The following PDLIM3 variants were observed in gnomAD, a reference collection of about 807,000 sequenced individuals.
PDLIM3 encodes PDZ and LIM domain protein 3.
Under a neutral mutation model 37.3 loss-of-function variants are expected in PDLIM3, and 36 were observed. The ratio of observed to expected loss-of-function variants is 0.97; its 90% CI spans 0.74 to 1.28. The LOEUF (loss-of-function observed/expected upper bound fraction) is 1.28. PDLIM3 is among the 50% of genes most tolerant of loss of function. PDLIM3 has a pLI of 0.00. For synonymous variants in PDLIM3, 174 were observed against 182.4 expected (o/e 0.95, Z 0.37); for missense variants, 454 against 485.0 (o/e 0.94, Z 0.60).
intron 1 of PDLIM3, among the ~76,000 whole-genome samples, chr4:185,534,918 C>CG (rs1183490021): frequency 6.6e-6 from 1 of 152,206 alleles, no homozygotes; most frequent in Non-Finnish European, 1.5e-5. Flanking sequence ...CAGGGAATGC[C>CG]GGGGGGTGCC....
At chr4:185,521,120 G>A (rs1385175805) in intron 3 of PDLIM3, among the ~76,000 whole-genome samples, 1 of 65,962 alleles carries the variant, frequency 1.5e-5, no homozygotes, top group African/African-American at 2.8e-5. Context: ...GAGGAAGCAG[G>A]TCAGCCTGGG....
rs76900032 is a variant in PDLIM3, at chr4:185,507,034, G to A, written c.663-382C>T. 9.9e-3 allele frequency: 1,853 copies of A among 187,428 alleles called. 18 individuals carry two copies. Among genetic ancestry groups the A allele is most frequent in the Non-Finnish European group, 0.015 (1,338 of 87,892 alleles). 11.6% of individuals were successfully genotyped at this position (187,428 alleles called of 1,614,324 possible). On this transcript the variant is annotated intron_variant, in intron 5 of 7. Coordinates refer to ENST00000284767, the MANE Select transcript of PDLIM3 (RefSeq NM_014476.6). ...AAAGGCAATATACACATGACAGAAA[G>A]TGCAGCAGTGAGCACTCAGATTATT... is the stretch of plus-strand genomic sequence containing the variant.
chr4:185,531,086 T>C (rs59152186), intron 1 of PDLIM3, among the ~76,000 whole-genome samples: 3,922 of 152,168 alleles, frequency 0.026, 175 homozygotes, highest in African/African-American at 0.09. Flanking sequence ...ATGTGTCCCC[T>C]GTGGATGAGA....
At chr4:185,513,002 G>C in intron 4 of PDLIM3, 3 of 985,388 alleles carry the variant, frequency 3.0e-6, no homozygotes, top group Non-Finnish European at 2.4e-6. Context: ...GGGAAATGTT[G>C]TGCACCCTCA....
intron 1 of PDLIM3, among the ~76,000 whole-genome samples, chr4:185,525,748 C>A (rs1335599227): frequency 1.3e-5 from 2 of 152,026 alleles, no homozygotes; most frequent in Non-Finnish European, 2.9e-5. Flanking sequence ...GGATTAGTGC[C>A]CTTATGAAAA....
chr4:185,505,389 C>T (rs970578013), intron 6 of PDLIM3, among the ~76,000 whole-genome samples: 5 of 152,100 alleles, frequency 3.3e-5, no homozygotes, highest in Non-Finnish European at 7.4e-5. Context: ...TCTGGGAGGC[C>T]GAGGCGGGTG....
rs746797109 is a variant in PDLIM3, at chr4:185,523,397, G to A, written c.295C>T (p.His99Tyr). ...SPQVSEDGKA[H>Y]PFKINLESEP... ...GATTCTAAGTTGATTTTGAAAGGATGGGCTTTCCCATCTTCAGATACTTGT... is the reference window on the plus strand; with the variant it reads ...GATTCTAAGTTGATTTTGAAAGGATAGGCTTTCCCATCTTCAGATACTTGT... The change falls in exon 3 of 8, where the codon CAT (histidine) becomes TAT (tyrosine). Residue 99 changes from histidine to tyrosine, a missense_variant. His to Tyr is a moderately conservative substitution (Grantham distance 83). Coordinates refer to ENST00000284767, the MANE Select transcript of PDLIM3 (RefSeq NM_014476.6). 5.6e-6 allele frequency: 9 copies of A among 1,611,996 alleles called. No individual in the cohort carries two copies. The South Asian group carries it at 8.8e-5, about 16-fold the overall frequency.
rs1000933182 is a variant in PDLIM3 at position 185,535,425 on chromosome 4, T to C, written c.10A>G (p.Thr4Ala). 2 of 1,597,556 alleles carry C rather than the reference T, an allele frequency of 1.3e-6. No individual in the cohort carries two copies. The highest frequency in any genetic ancestry group is 1.4e-5 in the African/African-American group (1 of 73,540). MPQ[T>A]VILPGPAPWG... Reference sequence around the variant, plus strand: ...GGCGCAGGGCCCGGGAGGATCACCGTCTGGGGCATGCCGCCTTCCTCCCGC... The same window carrying C: ...GGCGCAGGGCCCGGGAGGATCACCGCCTGGGGCATGCCGCCTTCCTCCCGC... Residue 4 changes from threonine (T) to alanine (A), a missense_variant, in exon 1 of 8, where the codon ACG (threonine) becomes GCG (alanine). Transcript: ENST00000284767.
In PDLIM3 at chr4:185,504,693, G is replaced by A. The variant is rs2095693805; in HGVS notation, c.794-107C>T. The A allele has an allele frequency of 3.6e-6, 3 of 822,402 alleles. No individual in the cohort carries two copies. The highest frequency in any genetic ancestry group is 1.7e-5 in the African/African-American group (1 of 59,474). 50.9% of individuals were successfully genotyped at this position (822,402 alleles called of 1,614,324 possible). A position where few individuals can be genotyped will look rare whatever the true frequency, so the allele number is the denominator to read the frequency against. On this transcript the variant is annotated intron_variant, in intron 6 of 7. Coordinates refer to ENST00000284767, the MANE Select transcript of PDLIM3 (RefSeq NM_014476.6). The surrounding 1 kb of genome is among the most constrained non-coding windows in gnomAD (Gnocchi z 4.7). ...TTTAACCTGAAGTTGCATCTGCACC[G>A]TCATTCCGAGAGGGGCAGGACTGAT...
chr4:185,532,279 C>G (rs543474401), intron 1 of PDLIM3, among the ~76,000 whole-genome samples: 103 of 152,332 alleles, frequency 6.8e-4, no homozygotes, highest in South Asian at 1.7e-3. Context: ...ATATGCTCTA[C>G]TAGGCACTGT....
chr4:185,531,116 A>T (rs1200781403), intron 1 of PDLIM3, among the ~76,000 whole-genome samples: 1 of 152,182 alleles, frequency 6.6e-6, no homozygotes, highest in Non-Finnish European at 1.5e-5. Flanking sequence ...TATATTCCAT[A>T]TTGAAATCTT....
intron 3 of PDLIM3, chr4:185,515,325 C>T (rs1237031013): frequency 6.6e-6 from 1 of 152,462 alleles, no homozygotes; most frequent in African/African-American, 2.4e-5. Context: ...AACTTTCCCC[C>T]ATTTTGAGAC....
At chr4:185,526,511 A>G (rs2095734460) in intron 1 of PDLIM3, among the ~76,000 whole-genome samples, 1 of 152,258 alleles carries the variant, frequency 6.6e-6, no homozygotes, top group Admixed American at 6.5e-5. Flanking sequence ...ATGGTTTCCC[A>G]TAATTTAAAA....
At position 185,512,550 on chromosome 4, in the gene PDLIM3, A is replaced by T. The variant is rs77793955; in HGVS notation, c.398+1720T>A. The T allele has an allele frequency of 7.3e-3, 3,761 of 514,516 alleles. 134 individuals carry two copies. Among genetic ancestry groups the T allele is most frequent in the African/African-American group, 0.073 (3,514 of 48,110 alleles). 31.9% of individuals were successfully genotyped at this position (514,516 alleles called of 1,614,324 possible). On this transcript the variant is annotated intron_variant, in intron 4 of 7. Coordinates refer to ENST00000284767, the MANE Select transcript of PDLIM3 (RefSeq NM_014476.6). ...CCCTATGTTTAAGTTAAAATGAAAA[A>T]TTTTTTTAAAAGGTGATTATATACC...
At position 185,514,869 on chromosome 4, in the gene PDLIM3, C is replaced by T. The variant is rs537177873; in HGVS notation, c.331-532G>A. Reference sequence around the variant, plus strand: ...AAAGGCTGGGCCCTTCTGTTGTGCGCGGTACCAATGGGTTTGAATTCCTGT... The same window carrying T: ...AAAGGCTGGGCCCTTCTGTTGTGCGTGGTACCAATGGGTTTGAATTCCTGT... On this transcript the variant is annotated intron_variant, in intron 3 of 7. Transcript: ENST00000284767. This position sits in a 1 kb window ranked among gnomAD's most constrained non-coding sequence, Gnocchi z 4.0. The T allele has an allele frequency of 1.5e-5, 24 of 1,551,366 alleles. No homozygotes were observed. The East Asian group carries it at 3.9e-4, about 25-fold the overall frequency.
chr4:185,512,361 G>C (rs551893171), intron 4 of PDLIM3: 1 of 152,366 alleles, frequency 6.6e-6, no homozygotes, highest in South Asian at 2.1e-4. Flanking sequence ...GATTACAGGT[G>C]TGAGCCATCG....
In PDLIM3 at chr4:185,525,178, G is replaced by T. The variant is rs1259309539; in HGVS notation, c.94-7C>A. The stretch of plus-strand genomic sequence containing the variant: ...CCTTGCTTCCTGGTGTAATCTGGAA[G>T]AAATCATGGCACTATTTAAAAACCA... On this transcript the variant is annotated splice_region_variant and splice_polypyrimidine_tract_variant and intron_variant, in intron 1 of 7. Transcript: ENST00000284767. 5.6e-6 allele frequency: 9 copies of T among 1,613,844 alleles called. No homozygotes were observed. In the Admixed American group the frequency reaches 1.3e-4, roughly 24 times the overall value.
chr4:185,526,723 G>A (rs2095734842), intron 1 of PDLIM3, among the ~76,000 whole-genome samples: 1 of 152,120 alleles, frequency 6.6e-6, no homozygotes, highest in African/African-American at 2.4e-5. Flanking sequence ...CCATGGTGCT[G>A]TGGCCATTCT....
chr4:185,526,101 G>A (rs2095733673), intron 1 of PDLIM3, among the ~76,000 whole-genome samples: 1 of 152,252 alleles, frequency 6.6e-6, no homozygotes, highest in Non-Finnish European at 1.5e-5. Context: ...CAAGACATGA[G>A]CACAGGCTCA....
Sources: allele counts gnomAD v4.1 joint callset (sites outside exome capture counted in the v4.1 genomes callset), GRCh38; gene constraint gnomAD v4.1.1; non-coding constraint Gnocchi (gnomAD v3.1); transcripts MANE v1.5; gene names NCBI Gene and HGNC (gene_info 2026-07-23, HGNC 2026-07-21).